EP300: variants seen among roughly 807,000 people sequenced by gnomAD.
The protein encoded by EP300 is EP300 lysine acetyltransferase.
EP300 carries 31 observed loss-of-function variants against 264.0 expected under a neutral mutation model. The observed-to-expected ratio is 0.12, with a 90% CI of 0.09 to 0.16. The LOEUF (loss-of-function observed/expected upper bound fraction) is 0.16. EP300 is among the 10% of genes least tolerant of loss of function. EP300 has a pLI of 1.00. For missense variants in EP300, 2,766 were observed against 3,052.9 expected, an observed-to-expected ratio of 0.91 and a Z score of 2.21; for synonymous variants, 1,340 against 1,045.4, an observed-to-expected ratio of 1.28 and a Z score of -5.44.
At chr22:41,161,676 CA>C (rs1474997476) in intron 20 of EP300, among the ~76,000 whole-genome samples, 1 of 152,058 alleles carries the variant, frequency 6.6e-6, no homozygotes, top group African/African-American at 2.4e-5. Context: ...CATTAGAATT[CA>C]AACTGGGACT....
chr22:41,157,382 A>G lies in EP300; in HGVS notation c.3475A>G (p.Ser1159Gly). The G allele has an allele frequency of 6.2e-7, 1 of 1,614,168 alleles. No homozygotes were observed. Among genetic ancestry groups the G allele is most frequent in the Non-Finnish European group, 8.5e-7 (1 of 1,180,036 alleles). The stretch of plus-strand genomic sequence containing the variant: ...ACAAGAAATTGACCCAGTGATGCAA[A>G]GCCTTGGATACTGTTGTGGCAGAAA... ...FEQEIDPVMQ[S>G]LGYCCGRKLE... Residue 1159 changes from serine to glycine, a missense_variant, in exon 18 of 31, where the codon AGC becomes GGC. By Grantham distance (56) the Ser-to-Gly change is moderately conservative. Coordinates refer to ENST00000263253, the MANE Select transcript of EP300 (RefSeq NM_001429.4).
At chr22:41,150,600 C>G (rs2059038335) in intron 14 of EP300, among the ~76,000 whole-genome samples, 1 of 151,978 alleles carries the variant, frequency 6.6e-6, no homozygotes, top group Non-Finnish European at 1.5e-5. Context: ...TTAAAAATTG[C>G]AGATTTGGAC....
Position 41,163,963 on chromosome 22 carries a change from G to A in EP300, c.3729-90G>A, listed in dbSNP as rs1240691246. 3.4e-6 allele frequency: 4 copies of A among 1,175,146 alleles called. No individual in the cohort carries two copies. The East Asian group carries it at 9.3e-5, about 27-fold the overall frequency. 72.8% of individuals were successfully genotyped at this position (1,175,146 alleles called of 1,614,324 possible). ...TTTCAGTTCTTTGGTCATGACCTTG[G>A]CTGTCTTTGTCAGAAGTCATGGGAA... On this transcript the variant is annotated intron_variant, in intron 21 of 30. Coordinates refer to ENST00000263253, the MANE Select transcript of EP300 (RefSeq NM_001429.4).
At chr22:41,117,875 TGATG>T in intron 2 of EP300, 54 bp downstream of exon 2, 1 of 1,611,292 alleles carries the variant, frequency 6.2e-7, no homozygotes. Context: ...AGTATTGTCA[TGATG>T]GATGGAGGGT....
At chr22:41,093,225 A>G in intron 1 of EP300, 127 bp downstream of exon 1, 1 of 980,528 alleles carries the variant, frequency 1.0e-6, no homozygotes, top group Admixed American at 2.4e-5. Flanking sequence ...TTTTAAAGGT[A>G]TTTGAATGAG....
intron 1 of EP300, among the ~76,000 whole-genome samples, chr22:41,114,832 A>AG (rs1233057175): frequency 6.6e-6 from 1 of 151,830 alleles, no homozygotes; most frequent in Non-Finnish European, 1.5e-5. Context: ...AAGAAAAAAA[A>AG]AAACTACAAG....
At chr22:41,141,732 G>A (rs770999198) in intron 10 of EP300, among the ~76,000 whole-genome samples, 7 of 150,070 alleles carry the variant, frequency 4.7e-5, no homozygotes, top group Admixed American at 6.7e-5. Context: ...GCTGGAGTAC[G>A]GTGGCATGAT....
chr22:41,170,265 C>T (rs1198086329), intron 26 of EP300, 141 bp from the exon 27 acceptor site: 4 of 742,676 alleles, frequency 5.4e-6, no homozygotes, highest in Non-Finnish European at 6.6e-6. Context: ...CAATGTTAAT[C>T]TCATTCTGGG....
At chr22:41,137,625 A>G (rs771426696) in intron 7 of EP300, 28 bp from the exon 8 acceptor site, 6 of 1,614,030 alleles carry the variant, frequency 3.7e-6, no homozygotes, top group African/African-American at 1.3e-5. Context: ...TTTCTTCACT[A>G]AAACTATTTG....
rs940419861 is a variant in EP300 at position 41,113,959 on chromosome 22, A to G, written c.95-3228A>G. On this transcript the variant is annotated intron_variant, in intron 1 of 30. Transcript: ENST00000263253. ...ATCACTGCCTGTTTTTAAAATTTCT[A>G]AAGTGGAGATTTTTTTGCCCTCTAT... Among the ~76,000 whole-genome samples, 5 of 152,158 alleles carry G rather than the reference A, an allele frequency of 3.3e-5. No homozygotes were observed. The South Asian group carries it at 1.0e-3, about 32-fold the overall frequency.
chr22:41,117,249 T>C lies in EP300; in HGVS notation c.157T>C (p.Leu53=), dbSNP rs147566983. ...AGATGAATTAATCAACTCTACAGAA[T>C]TGGGACTAACCAATGGTGGTGATAT... ...LPDELINSTE[L]GLTNGGDINQ... The change falls in exon 2 of 31, where the codon TTG becomes CTG. Residue 53 remains leucine, a synonymous_variant. Coordinates refer to ENST00000263253, the MANE Select transcript of EP300 (RefSeq NM_001429.4). The C allele has an allele frequency of 7.9e-5, 127 of 1,614,202 alleles. No homozygotes were observed. The highest frequency in any genetic ancestry group is 1.0e-4 in the Non-Finnish European group (118 of 1,180,030).
At chr22:41,173,562 G>A (rs1448758287) in intron 28 of EP300, 61 bp from the exon 29 acceptor site, 31 of 1,553,856 alleles carry the variant, frequency 2.0e-5, no homozygotes, top group Non-Finnish European at 1.8e-5. Flanking sequence ...GATATTCTGT[G>A]CTATTCCCAA....
rs2059229182 is a variant in EP300 at position 41,179,681 on chromosome 22, G to A, written c.*725G>A. On this transcript the variant is annotated 3_prime_UTR_variant, in exon 31 of 31. Coordinates refer to ENST00000263253, the MANE Select transcript of EP300 (RefSeq NM_001429.4). ...AAAATGACTTTTTCAAAAATATACA[G>A]GGGCAGCTGCCAAATTGATGTATTA... is the stretch of plus-strand genomic sequence containing the variant. 4.4e-6 allele frequency: 1 copy of A among 228,996 alleles called. No individual in the cohort carries two copies. Among genetic ancestry groups the A allele is most frequent in the Non-Finnish European group, 8.7e-6 (1 of 115,488 alleles). The allele number at this position is 228,996 out of a possible 1,614,324, so 14.2% of individuals were successfully genotyped here.
intron 12 of EP300, 83 bp downstream of exon 12, chr22:41,148,029 ACAGT>A: frequency 1.0e-6 from 1 of 962,198 alleles, no homozygotes; most frequent in Non-Finnish European, 1.6e-6. Flanking sequence ...ATAAATTCTC[ACAGT>A]CATTTAAACA....
intron 21 of EP300, among the ~76,000 whole-genome samples, chr22:41,163,620 G>A (rs1179419204): frequency 2.6e-5 from 4 of 151,638 alleles, no homozygotes; most frequent in Admixed American, 6.6e-5. Flanking sequence ...GGTGGTGCGC[G>A]CCTGTAATCC....
chr22:41,157,501 C>A, intron 18 of EP300, 93 bp downstream of exon 18: 2 of 799,776 alleles, frequency 2.5e-6, no homozygotes, highest in Non-Finnish European at 3.9e-6. Context: ...CTGCTTCTGG[C>A]TTTGACATGG....
chr22:41,118,211 T>A (rs974124453), intron 2 of EP300, among the ~76,000 whole-genome samples: 3 of 152,210 alleles, frequency 2.0e-5, no homozygotes, highest in Non-Finnish European at 2.9e-5. Flanking sequence ...TTTCAAGAGA[T>A]ACATTTATTC....
chr22:41,179,268 C>T lies in EP300; in HGVS notation c.*312C>T, dbSNP rs937704901. 2.8e-6 allele frequency: 1 copy of T among 359,510 alleles called. No individual in the cohort carries two copies. The highest frequency in any genetic ancestry group is 2.0e-5 in the African/African-American group (1 of 49,230). 22.3% of individuals were successfully genotyped at this position (359,510 alleles called of 1,614,324 possible). On this transcript the variant is annotated 3_prime_UTR_variant, in exon 31 of 31. Coordinates refer to ENST00000263253, the MANE Select transcript of EP300 (RefSeq NM_001429.4). The stretch of plus-strand genomic sequence containing the variant: ...AGCCAAACAATATGCTCCTGCCTTG[C>T]ACCTCCAATAGGTTTTATTATTTTT...
chr22:41,156,810 T>A (rs903949760), intron 17 of EP300, among the ~76,000 whole-genome samples: 1 of 151,988 alleles, frequency 6.6e-6, no homozygotes, highest in African/African-American at 2.4e-5. Flanking sequence ...ATGGAACATT[T>A]TAAGTTCTGT....
Sources: allele counts gnomAD v4.1 joint callset (sites outside exome capture counted in the v4.1 genomes callset), GRCh38; gene constraint gnomAD v4.1.1; transcripts MANE v1.5; gene names NCBI Gene and HGNC (gene_info 2026-07-23, HGNC 2026-07-21).